The following PPM1A variants were observed in gnomAD, a reference collection of about 807,000 sequenced individuals.
PPM1A encodes the protein protein phosphatase, Mg2+/Mn2+ dependent 1A, also known as protein phosphatase 1A.
A neutral mutation model predicts 35.0 loss-of-function variants in PPM1A; 7 were observed. That is an observed-to-expected ratio of 0.20 (90% CI 0.11 to 0.38). The LOEUF (loss-of-function observed/expected upper bound fraction) is 0.38, where lower values mean the gene tolerates loss of function less well. Among genes scored for constraint, PPM1A ranks in the 10% least tolerant of loss-of-function variants. The probability of loss-of-function intolerance (pLI) is 1.00; values close to 1 mark genes in which losing one functional copy is unlikely to be tolerated. For synonymous variants in PPM1A, 153 were observed against 167.3 expected, an observed-to-expected ratio of 0.91 and a Z score of 0.66; for missense variants, 239 against 467.8, an observed-to-expected ratio of 0.51 and a Z score of 4.51.
At chr14:60,275,799 G>C (rs1566590481) in intron 1 of PPM1A, among the ~76,000 whole-genome samples, 1 of 151,118 alleles carries the variant, frequency 6.6e-6, no homozygotes, top group Non-Finnish European at 1.5e-5. Flanking sequence ...AACAATCAGT[G>C]GGAAATTTCA....
At chr14:60,262,241 A>G (rs974818059) in intron 1 of PPM1A, among the ~76,000 whole-genome samples, 2 of 152,234 alleles carry the variant, frequency 1.3e-5, no homozygotes, top group Non-Finnish European at 2.9e-5. Context: ...CCTGTTTTAT[A>G]GATGATCTGT....
rs1348297184 is a variant in PPM1A, at chr14:60,249,249, C to A, written c.-449C>A. 1.0e-6 allele frequency: 1 copy of A among 985,012 alleles called. No individual in the cohort carries two copies. Among genetic ancestry groups the A allele is most frequent in the Non-Finnish European group, 1.2e-6 (1 of 831,894 alleles). 61.0% of individuals were successfully genotyped at this position (985,012 alleles called of 1,614,324 possible). ...GGCGGCGGCGGCGGCGGTGGCGGCG[C>A]TAGGGACGGGAGCGCGCGCGGGAGC... is the stretch of plus-strand genomic sequence containing the variant. On this transcript the variant is annotated 5_prime_UTR_variant, in exon 1 of 6. Transcript: ENST00000395076. This position sits in a 1 kb window ranked among gnomAD's most constrained non-coding sequence, Gnocchi z 4.5.
rs767518829 is a variant in PPM1A at position 60,294,715 on chromosome 14, C to G, written c.*2233C>G. ...CAAACCATAACAGCATATTTAGAGCCTTTTTTTTTTGAGTCTTTAAACAAG... is the reference window on the plus strand; with the variant it reads ...CAAACCATAACAGCATATTTAGAGCGTTTTTTTTTTGAGTCTTTAAACAAG... On this transcript the variant is annotated 3_prime_UTR_variant, in exon 6 of 6. Transcript: ENST00000395076. The G allele has an allele frequency of 6.9e-6, 1 of 145,638 alleles. No homozygotes were observed. Among genetic ancestry groups the G allele is most frequent in the Non-Finnish European group, 1.5e-5 (1 of 65,744 alleles). 9.0% of individuals were successfully genotyped at this position (145,638 alleles called of 1,614,324 possible).
rs1223689027 is a variant in PPM1A at position 60,296,537 on chromosome 14, T to G, written c.*4055T>G. ...AAACTGCTGGTGAGATTACCATTTT[T>G]TGAGTATCTAGTCTTCTAGTTTTTC... is the stretch of plus-strand genomic sequence containing the variant. On this transcript the variant is annotated 3_prime_UTR_variant, in exon 6 of 6. Coordinates refer to ENST00000395076, the MANE Select transcript of PPM1A (RefSeq NM_021003.5). The surrounding 1 kb of genome is among the most constrained non-coding windows in gnomAD (Gnocchi z 4.4). 1 of 308,504 alleles carries G rather than the reference T, an allele frequency of 3.2e-6. No homozygotes were observed. Among genetic ancestry groups the G allele is most frequent in the African/African-American group, 2.1e-5 (1 of 46,934 alleles). The allele number at this position is 308,504 out of a possible 1,614,324, so 19.1% of individuals were successfully genotyped here. A position where few individuals can be genotyped will look rare whatever the true frequency, so the allele number is the denominator to read the frequency against.
At chr14:60,291,491 C>T (rs778194538) in intron 5 of PPM1A, 37 bp downstream of exon 5, 3 of 1,502,174 alleles carry the variant, frequency 2.0e-6, no homozygotes, top group East Asian at 4.7e-5. Context: ...TTTCCCTTCC[C>T]CTCCACTCTA....
chr14:60,273,444 G>A lies in PPM1A; in HGVS notation c.-20-9240G>A, dbSNP rs942233767. Among the ~76,000 whole-genome samples the A allele has an allele frequency of 3.9e-4, 60 of 152,302 alleles. 1 individual carries two copies. Among genetic ancestry groups the A allele is most frequent in the African/African-American group, 1.3e-3 (54 of 41,572 alleles). On this transcript the variant is annotated intron_variant, in intron 1 of 5. Coordinates refer to ENST00000395076, the MANE Select transcript of PPM1A (RefSeq NM_021003.5). The surrounding 1 kb of genome is among the most constrained non-coding windows in gnomAD (Gnocchi z 4.3). ...GAGAATGTAGGAGAAGGGACAGTAT[G>A]AAGTGAGATGCGGCTAGAGAAGGTA... is the stretch of plus-strand genomic sequence containing the variant.
rs1887825011 is a variant in PPM1A at position 60,293,453 on chromosome 14, T to C, written c.*971T>C. 1 of 152,042 alleles carries C rather than the reference T, an allele frequency of 6.6e-6. No individual in the cohort carries two copies. Among genetic ancestry groups the C allele is most frequent in the Non-Finnish European group, 1.5e-5 (1 of 67,948 alleles). The allele number at this position is 152,042 out of a possible 1,614,324, so 9.4% of individuals were successfully genotyped here. ...CTCATAGGGAAAGATGTTAGTCTCT[T>C]TTAATTGGACAACACTGTCACTCAA... is the stretch of plus-strand genomic sequence containing the variant. On this transcript the variant is annotated 3_prime_UTR_variant, in exon 6 of 6. Coordinates refer to ENST00000395076, the MANE Select transcript of PPM1A (RefSeq NM_021003.5). The surrounding 1 kb of genome is among the most constrained non-coding windows in gnomAD (Gnocchi z 4.0).
At chr14:60,253,844 G>A (rs1052271913) in intron 1 of PPM1A, among the ~76,000 whole-genome samples, 1 of 152,180 alleles carries the variant, frequency 6.6e-6, no homozygotes, top group African/African-American at 2.4e-5. Flanking sequence ...GAGCCACATT[G>A]AAGGGCCCCG....
At chr14:60,250,142 G>C (rs1047269917) in intron 1 of PPM1A, among the ~76,000 whole-genome samples, 1 of 152,046 alleles carries the variant, frequency 6.6e-6, no homozygotes, top group South Asian at 2.1e-4. Context: ...CCTTTGAACC[G>C]GGCTTAGCCT....
At chr14:60,261,614 C>T (rs57699411) in intron 1 of PPM1A, among the ~76,000 whole-genome samples, 1,935 of 152,158 alleles carry the variant, frequency 0.013, 45 homozygotes, top group African/African-American at 0.044. Flanking sequence ...GATAAATCTT[C>T]CAGAGGATTA....
At chr14:60,248,374 A>C (rs1595242706), upstream of PPM1A, among the ~76,000 whole-genome samples, 1 of 152,354 alleles carries the variant, frequency 6.6e-6, no homozygotes, top group Middle Eastern at 3.4e-3. Context: ...CCACGTGATT[A>C]TCTAACATGT....
At chr14:60,287,692 C>A (rs1156426891) in intron 3 of PPM1A, 6 of 985,292 alleles carry the variant, frequency 6.1e-6, no homozygotes, top group South Asian at 4.7e-5. Context: ...TTCCAGCTCT[C>A]CTTTTCTCTT....
Position 60,253,557 on chromosome 14 carries a change from T to TA in PPM1A, c.-21+3881dup, listed in dbSNP as rs145784772. Among the ~76,000 whole-genome samples, 662 of 152,324 alleles carry TA rather than the reference T, an allele frequency of 4.3e-3. 5 individuals are homozygous for TA. Among genetic ancestry groups the TA allele is most frequent in the African/African-American group, 0.015 (629 of 41,590 alleles). On this transcript the variant is annotated intron_variant, in intron 1 of 5. Transcript: ENST00000395076. ...ATTTCAAAAGCTAAACATTAACACTTACGATTCATAGATTCCTAGAGTTAA... is the reference window on the plus strand; with the variant it reads ...ATTTCAAAAGCTAAACATTAACACTTAACGATTCATAGATTCCTAGAGTTAA...
intron 1 of PPM1A, among the ~76,000 whole-genome samples, chr14:60,251,310 T>A (rs1566565620): frequency 6.6e-6 from 1 of 152,274 alleles, no homozygotes; most frequent in Non-Finnish European, 1.5e-5. Flanking sequence ...CTGATAATGT[T>A]TGAAGTTAAC....
chr14:60,291,509 A>G (rs1430700829), intron 5 of PPM1A, 55 bp downstream of exon 5: 1 of 1,393,264 alleles, frequency 7.2e-7, no homozygotes, highest in Non-Finnish European at 9.9e-7. Flanking sequence ...CTAAATGCAT[A>G]TCCTTCCTAC....
chr14:60,262,473 C>G (rs1369738201), intron 1 of PPM1A, among the ~76,000 whole-genome samples: 3 of 152,030 alleles, frequency 2.0e-5, no homozygotes, highest in Non-Finnish European at 4.4e-5. Context: ...TGCTGAAGCC[C>G]TGGAGTTTGA....
chr14:60,278,124 A>G (rs1488275935), intron 1 of PPM1A, among the ~76,000 whole-genome samples: 1 of 152,228 alleles, frequency 6.6e-6, no homozygotes, highest in Admixed American at 6.5e-5. Context: ...TAATCTCTCC[A>G]TAAATGTTAG....
chr14:60,249,316 G>C lies in PPM1A; in HGVS notation c.-382G>C, dbSNP rs1319439835. Reference sequence around the variant, plus strand: ...CGGCGCTCGTCCGGCCCGCAGCTTCGGGTCCTCAGGCGGCTGTTGCTCCGG... The same window carrying C: ...CGGCGCTCGTCCGGCCCGCAGCTTCCGGTCCTCAGGCGGCTGTTGCTCCGG... On this transcript the variant is annotated 5_prime_UTR_variant, in exon 1 of 6. Transcript: ENST00000395076. The surrounding 1 kb of genome is among the most constrained non-coding windows in gnomAD (Gnocchi z 4.5). 2.0e-6 allele frequency: 2 copies of C among 982,732 alleles called. No individual in the cohort carries two copies. Among genetic ancestry groups the C allele is most frequent in the African/African-American group, 3.6e-5 (2 of 56,264 alleles). 60.9% of individuals were successfully genotyped at this position (982,732 alleles called of 1,614,324 possible). A position where few individuals can be genotyped will look rare whatever the true frequency, so the allele number is the denominator to read the frequency against.
chr14:60,281,427 C>T (rs1886396642), intron 1 of PPM1A, among the ~76,000 whole-genome samples: 1 of 152,116 alleles, frequency 6.6e-6, no homozygotes, highest in African/African-American at 2.4e-5. Context: ...GGAGGATTTT[C>T]TTCTTGCCCT....
Sources: allele counts gnomAD v4.1 joint callset (sites outside exome capture counted in the v4.1 genomes callset), GRCh38; gene constraint gnomAD v4.1.1; non-coding constraint Gnocchi (gnomAD v3.1); transcripts MANE v1.5; gene names NCBI Gene and HGNC (gene_info 2026-07-23, HGNC 2026-07-21).